The following CNBD1 variants were observed in gnomAD, a reference collection of about 807,000 sequenced individuals.
CNBD1 encodes cyclic nucleotide-binding domain-containing protein 1.
Under a neutral mutation model 54.4 loss-of-function variants are expected in CNBD1, and 71 were observed. That is an observed-to-expected ratio of 1.30 (90% CI 1.08 to 1.59). The LOEUF (loss-of-function observed/expected upper bound fraction) is 1.59, where lower values mean the gene tolerates loss of function less well. Ranked by LOEUF, CNBD1 falls within the 40% of genes most tolerant of loss-of-function variation. The pLI is 0.00. For missense variants in CNBD1, 659 were observed against 518.0 expected, an observed-to-expected ratio of 1.27 and a Z score of -2.64; for synonymous variants, 182 against 170.7, an observed-to-expected ratio of 1.07 and a Z score of -0.51.
intron 5 of CNBD1, among the ~76,000 whole-genome samples, chr8:87,229,214 A>G (rs201741717): frequency 1.3e-5 from 2 of 152,270 alleles, no homozygotes; most frequent in African/African-American, 4.8e-5. Flanking sequence ...CGTCTTCTGC[A>G]TCGCTCAGGC....
Position 87,203,455 on chromosome 8 carries a change from CTG to C in CNBD1, c.432-2534_432-2533del, listed in dbSNP as rs1210785314. 4.6e-5 allele frequency among the ~76,000 whole-genome samples: 7 copies of C among 152,278 alleles called. No individual in the cohort carries two copies. The East Asian group carries it at 9.6e-4, about 21-fold the overall frequency. ...CCATTTGATATGCTGCACTTTATCTCTGTGTCAGTTCACTTCCCATTGGCTAG... is the reference window on the plus strand; with the variant it reads ...CCATTTGATATGCTGCACTTTATCTCTGTCAGTTCACTTCCCATTGGCTAG... On this transcript the variant is annotated intron_variant, in intron 4 of 10. Transcript: ENST00000518476.
chr8:87,378,877 G>T (rs1296022453), intron 10 of CNBD1, among the ~76,000 whole-genome samples: 13 of 149,368 alleles, frequency 8.7e-5, no homozygotes, highest in Non-Finnish European at 3.0e-5. Flanking sequence ...CATATCCCTT[G>T]TAAGTTGGAT....
intron 4 of CNBD1, among the ~76,000 whole-genome samples, chr8:87,038,350 A>G (rs188463019): frequency 6.6e-6 from 1 of 152,288 alleles, no homozygotes; most frequent in Admixed American, 6.5e-5. Context: ...CATGTAGGAG[A>G]CAGAGTTATT....
chr8:87,039,601 T>G (rs1810022416), intron 4 of CNBD1, among the ~76,000 whole-genome samples: 1 of 152,224 alleles, frequency 6.6e-6, no homozygotes, highest in Non-Finnish European at 1.5e-5. Flanking sequence ...CCTTGCCAGC[T>G]GCCTAGATAG....
At chr8:87,011,327 C>T (rs1809217622) in intron 4 of CNBD1, among the ~76,000 whole-genome samples, 1 of 152,030 alleles carries the variant, frequency 6.6e-6, no homozygotes, top group South Asian at 2.1e-4. Flanking sequence ...TATTAATCAT[C>T]AAATGCCTTG....
intron 8 of CNBD1, among the ~76,000 whole-genome samples, chr8:87,305,702 A>G (rs1366642231): frequency 2.0e-5 from 3 of 152,208 alleles, no homozygotes; most frequent in Non-Finnish European, 4.4e-5. Flanking sequence ...GGCAAGCCAC[A>G]TGTAGGAGAA....
chr8:87,383,174 G>T (rs943282019), downstream of CNBD1, among the ~76,000 whole-genome samples: 8 of 151,930 alleles, frequency 5.3e-5, no homozygotes, highest in Non-Finnish European at 1.2e-4. Context: ...TTGTAATAAA[G>T]TCATTTCCTT....
At chr8:86,901,407 A>T (rs532531084) in intron 2 of CNBD1, among the ~76,000 whole-genome samples, 1 of 152,324 alleles carries the variant, frequency 6.6e-6, no homozygotes, top group South Asian at 2.1e-4. Context: ...AAAATAAAAA[A>T]TGTGAATTGC....
chr8:87,229,004 C>G (rs1445026249), intron 5 of CNBD1, among the ~76,000 whole-genome samples: 2 of 152,142 alleles, frequency 1.3e-5, no homozygotes, highest in Non-Finnish European at 2.9e-5. Flanking sequence ...CCCGATTTTC[C>G]CGATTTTCCA....
intron 4 of CNBD1, among the ~76,000 whole-genome samples, chr8:87,074,743 C>T (rs561738243): frequency 1.4e-4 from 21 of 152,238 alleles, no homozygotes; most frequent in Non-Finnish European, 2.5e-4. Flanking sequence ...CTTCATTCTC[C>T]GTGGGTCAGC....
chr8:87,280,514 G>GA (rs991072935), intron 6 of CNBD1, among the ~76,000 whole-genome samples: 1 of 151,296 alleles, frequency 6.6e-6, no homozygotes, highest in Non-Finnish European at 1.5e-5. Context: ...CCTTAGAAAA[G>GA]AAAAAACATG....
At chr8:87,014,956 A>G (rs1344150850) in intron 4 of CNBD1, among the ~76,000 whole-genome samples, 6 of 152,170 alleles carry the variant, frequency 3.9e-5, no homozygotes, top group South Asian at 2.1e-4. Flanking sequence ...CAAGGAAGAA[A>G]GATATTTGGG....
chr8:87,045,509 A>C (rs1330063969), intron 4 of CNBD1, among the ~76,000 whole-genome samples: 4 of 152,062 alleles, frequency 2.6e-5, no homozygotes, highest in African/African-American at 4.8e-5. Flanking sequence ...GCGGATCACG[A>C]GGTCAGGAGA....
chr8:87,378,709 A>T (rs1230620120), intron 10 of CNBD1, among the ~76,000 whole-genome samples: 2 of 151,078 alleles, frequency 1.3e-5, no homozygotes, highest in Admixed American at 6.6e-5. Flanking sequence ...TGGTAGCTTG[A>T]TGGAGATGGC....
intron 8 of CNBD1, among the ~76,000 whole-genome samples, chr8:87,341,285 A>G (rs1299164767): frequency 6.6e-6 from 1 of 152,036 alleles, no homozygotes; most frequent in Admixed American, 6.5e-5. Flanking sequence ...TATCTAGAGT[A>G]TGCTGGGTCT....
intron 5 of CNBD1, among the ~76,000 whole-genome samples, chr8:87,230,281 C>G (rs768149284): frequency 2.0e-5 from 3 of 152,146 alleles, no homozygotes; most frequent in Non-Finnish European, 4.4e-5. Flanking sequence ...CTGGGGATTA[C>G]AATTCGACAG....
chr8:87,392,313 A>G (rs74424231), intron 2 of CNBD1, among the ~76,000 whole-genome samples: 2,871 of 152,078 alleles, frequency 0.019, 93 homozygotes, highest in African/African-American at 0.063. Flanking sequence ...TCTATATCCA[A>G]GAGAAGTGAA....
chr8:87,229,306 T>A (rs1047107128), intron 5 of CNBD1, among the ~76,000 whole-genome samples: 1 of 152,166 alleles, frequency 6.6e-6, no homozygotes, highest in African/African-American at 2.4e-5. Flanking sequence ...GTTTTTTTTT[T>A]AAATACATGA....
intron 10 of CNBD1, 65 bp downstream of exon 10, chr8:87,353,851 A>G (rs549252713): frequency 7.7e-7 from 1 of 1,290,946 alleles, no homozygotes; most frequent in Non-Finnish European, 1.1e-6. Context: ...AATTTTTTAA[A>G]TTTTTTTCCT....
Sources: gnomAD v4.1 joint callset for allele counts (sites outside exome capture counted in the v4.1 genomes callset) on GRCh38, gnomAD v4.1.1 for gene constraint, MANE v1.5 for transcripts, NCBI Gene and HGNC (gene_info 2026-07-23, HGNC 2026-07-21) for gene names.